The following PCDH7 variants were observed in gnomAD, a reference collection of about 807,000 sequenced individuals.
PCDH7 encodes protocadherin 7, also known as protocadherin-7.
In PCDH7, 17 loss-of-function variants were observed where a neutral mutation model predicts 58.9. The ratio of observed to expected loss-of-function variants is 0.29; its 90% CI spans 0.20 to 0.43. The LOEUF is 0.43. PCDH7 is among the 20% of genes least tolerant of loss of function. The pLI is 1.00. For synonymous variants in PCDH7, 664 were observed against 616.4 expected, an observed-to-expected ratio of 1.08 and a Z score of -1.14; for missense variants, 1,274 against 1,441.0, an observed-to-expected ratio of 0.88 and a Z score of 1.88.
At chr4:31,111,499 G>A (rs1196361382) in intron 3 of PCDH7, among the ~76,000 whole-genome samples, 2 of 151,778 alleles carry the variant, frequency 1.3e-5, no homozygotes, top group African/African-American at 4.8e-5. Context: ...TAGTAGAGAC[G>A]GGGTTTTTCT....
At position 30,875,197 on chromosome 4, in the gene PCDH7, T is replaced by A. The variant is rs534135523; in HGVS notation, c.71-44956T>A. 1.8e-4 allele frequency among the ~76,000 whole-genome samples: 27 copies of A among 152,182 alleles called. No homozygotes were observed. The East Asian group carries it at 4.1e-3, about 23-fold the overall frequency. On this transcript the variant is annotated intron_variant, in intron 1 of 3. Coordinates refer to the PCDH7 transcript ENST00000509759. ...CTTCAGGAAGGAGCTGTTCCGAACC[T>A]CTCTTCTTGGTTTGTTTGGCCATCG...
Position 30,722,557 on chromosome 4 carries a change from A to G in PCDH7, c.1135A>G (p.Asn379Asp). The G allele has an allele frequency of 1.2e-6, 2 of 1,612,688 alleles. No individual in the cohort carries two copies. The highest frequency in any genetic ancestry group is 2.2e-5 in the East Asian group (1 of 44,840). ...GCACCGGATCGACCGCGAGGAGGTG[A>G]ACCAGCTGCGCTTCACGGTCATGGC... The change falls in exon 1 of 2, where the codon AAC (asparagine) becomes GAC (aspartate). Residue 379 changes from asparagine (N) to aspartate (D), a missense_variant. Around this residue, in one of 3 missense-constraint regions of PCDH7, gnomAD observed 331 missense variants for 303.2 expected, o/e 1.09. Transcript: ENST00000361762. This position sits in a 1 kb window ranked among gnomAD's most constrained non-coding sequence, Gnocchi z 7.6.
At chr4:30,751,629 A>AC (rs1375301148) in intron 1 of PCDH7, among the ~76,000 whole-genome samples, 8 of 152,042 alleles carry the variant, frequency 5.3e-5, no homozygotes, top group Admixed American at 5.2e-4. Flanking sequence ...ATATATATAT[A>AC]TTTTGCATGG....
At chr4:30,958,638 A>T in intron 3 of PCDH7, among the ~76,000 whole-genome samples, 1 of 152,124 alleles carries the variant, frequency 6.6e-6, no homozygotes, top group Non-Finnish European at 1.5e-5. Flanking sequence ...TAACAAAATT[A>T]ATTTAATCTG....
chr4:31,121,533 C>T (rs1203308236), intron 3 of PCDH7, among the ~76,000 whole-genome samples: 1 of 152,180 alleles, frequency 6.6e-6, no homozygotes, highest in African/African-American at 2.4e-5. Flanking sequence ...ACATCAGAGA[C>T]ATTTTATCTT....
At chr4:30,922,919 A>C (rs1415976654) in intron 2 of PCDH7, among the ~76,000 whole-genome samples, 2 of 152,142 alleles carry the variant, frequency 1.3e-5, no homozygotes, top group African/African-American at 4.8e-5. Context: ...CATAAAGTGC[A>C]ATTGTGTTGC....
chr4:31,019,540 C>A (rs1307859831), intron 3 of PCDH7, among the ~76,000 whole-genome samples: 1 of 151,746 alleles, frequency 6.6e-6, no homozygotes, highest in Non-Finnish European at 1.5e-5. Context: ...ACTAAAAATA[C>A]CAAAAATTAT....
chr4:30,888,251 G>A (rs990507437), intron 1 of PCDH7, among the ~76,000 whole-genome samples: 5 of 151,598 alleles, frequency 3.3e-5, no homozygotes, highest in Non-Finnish European at 7.4e-5. Flanking sequence ...CATACTTTAG[G>A]CACTTTCTAT....
intron 2 of PCDH7, among the ~76,000 whole-genome samples, chr4:30,942,813 T>TTA (rs1228654176): frequency 1.3e-5 from 2 of 151,948 alleles, no homozygotes; most frequent in Non-Finnish European, 2.9e-5. Flanking sequence ...TGAAATCTAA[T>TTA]TTCAAAGACA....
chr4:31,070,968 T>C (rs1244909947), intron 3 of PCDH7, among the ~76,000 whole-genome samples: 4 of 152,088 alleles, frequency 2.6e-5, no homozygotes, highest in South Asian at 4.1e-4. Context: ...ATGCAGTGTT[T>C]AGCTGAGTTT....
chr4:30,722,639 A>G lies in PCDH7; in HGVS notation c.1217A>G (p.Lys406Arg). ...AAGGCCACCGTGGTCCTTAACATCAAAGACGAGAACGACAACGTGCCGTCC... is the reference window on the plus strand; with the variant it reads ...AAGGCCACCGTGGTCCTTAACATCAGAGACGAGAACGACAACGTGCCGTCC... Residue 406 changes from lysine to arginine, a missense_variant, in exon 1 of 2, where the codon AAA (lysine) becomes AGA (arginine). Lys to Arg is a conservative substitution (Grantham distance 26). Transcript: ENST00000361762. This position sits in a 1 kb window ranked among gnomAD's most constrained non-coding sequence, Gnocchi z 7.6. 6.2e-7 allele frequency: 1 copy of G among 1,613,500 alleles called. No homozygotes were observed. The highest frequency in any genetic ancestry group is 8.5e-7 in the Non-Finnish European group (1 of 1,180,040).
chr4:30,727,305 T>C (rs1469075948), intron 1 of PCDH7, among the ~76,000 whole-genome samples: 1 of 151,952 alleles, frequency 6.6e-6, no homozygotes, highest in Non-Finnish European at 1.5e-5. Flanking sequence ...CTAAGTCCTG[T>C]TGTTTTCATT....
At chr4:30,779,738 A>G (rs1722548897) in intron 1 of PCDH7, among the ~76,000 whole-genome samples, 1 of 152,108 alleles carries the variant, frequency 6.6e-6, no homozygotes, top group African/African-American at 2.4e-5. Context: ...AGTAGATCAA[A>G]CTGTTAGTGG....
intron 3 of PCDH7, among the ~76,000 whole-genome samples, chr4:31,007,212 G>A (rs1165673168): frequency 6.6e-6 from 1 of 152,180 alleles, no homozygotes; most frequent in Non-Finnish European, 1.5e-5. Context: ...TTTCTCATCT[G>A]TAACATGGAG....
intron 1 of PCDH7, among the ~76,000 whole-genome samples, chr4:30,887,534 A>G (rs1001671325): frequency 1.3e-5 from 2 of 152,224 alleles, no homozygotes; most frequent in Non-Finnish European, 2.9e-5. Flanking sequence ...GTAGACACAC[A>G]TTCAGTACAT....
intron 3 of PCDH7, 30 bp from the exon 3 acceptor site, chr4:31,142,443 T>C (rs1244805092): frequency 7.4e-7 from 1 of 1,350,900 alleles, no homozygotes; most frequent in Non-Finnish European, 9.9e-7. Context: ...GAGTGTCAAA[T>C]ACTAATGGCT....
chr4:30,829,421 G>T (rs1387902300), intron 1 of PCDH7, among the ~76,000 whole-genome samples: 1 of 152,036 alleles, frequency 6.6e-6, no homozygotes, highest in African/African-American at 2.4e-5. Context: ...ATATCATTCA[G>T]CAGAGAAGAA....
intron 1 of PCDH7, chr4:30,725,268 A>G (rs974844406): frequency 2.0e-6 from 2 of 986,586 alleles, no homozygotes; most frequent in Non-Finnish European, 2.4e-6. Flanking sequence ...ATATGCAATT[A>G]CCATTTGCAT....
At chr4:30,989,472 A>C in intron 3 of PCDH7, among the ~76,000 whole-genome samples, 1 of 152,128 alleles carries the variant, frequency 6.6e-6, no homozygotes, top group East Asian at 1.9e-4. Context: ...TCTTGATGAA[A>C]TGTCTGTGTA....
Sources: allele counts gnomAD v4.1 joint callset (sites outside exome capture counted in the v4.1 genomes callset), GRCh38; gene constraint gnomAD v4.1.1; regional missense constraint gnomAD v4.1.1; non-coding constraint Gnocchi (gnomAD v3.1); transcripts MANE v1.5; gene names NCBI Gene and HGNC (gene_info 2026-07-23, HGNC 2026-07-21).